PCCA: variants seen among roughly 807,000 people sequenced by gnomAD.
The protein encoded by PCCA is propionyl-CoA carboxylase subunit alpha.
A neutral mutation model predicts 101.3 loss-of-function variants in PCCA; 74 were observed. That is an observed-to-expected ratio of 0.73 (90% CI 0.61 to 0.89). The LOEUF is 0.89. PCCA is among the 40% of genes least tolerant of loss of function. PCCA has a pLI of 0.00. For synonymous variants in PCCA, 294 were observed against 313.6 expected (o/e 0.94, Z 0.66); for missense variants, 891 against 907.0 (o/e 0.98, Z 0.23).
At chr13:100,138,169 T>A (rs1430836972) in intron 4 of PCCA, among the ~76,000 whole-genome samples, 1 of 152,236 alleles carries the variant, frequency 6.6e-6, no homozygotes, top group African/African-American at 2.4e-5. Context: ...CTAGTTTTTT[T>A]CACTGTTTCA....
intron 17 of PCCA, among the ~76,000 whole-genome samples, chr13:100,335,522 C>T (rs1473189291): frequency 6.6e-6 from 1 of 152,158 alleles, no homozygotes; most frequent in Non-Finnish European, 1.5e-5. Context: ...TGGGAAATTC[C>T]TAAAGGTAGC....
chr13:100,219,271 G>A (rs1280158924), intron 7 of PCCA, among the ~76,000 whole-genome samples: 1 of 152,056 alleles, frequency 6.6e-6, no homozygotes, highest in Non-Finnish European at 1.5e-5. Context: ...TTTTTTTGAT[G>A]AGGAATGTTG....
rs367615795 is a variant in PCCA, at chr13:100,273,195, G to A, written c.915-1G>A. 1 of 1,611,708 alleles carries A rather than the reference G, an allele frequency of 6.2e-7. No individual in the cohort carries two copies. The highest frequency in any genetic ancestry group is 1.3e-5 in the African/African-American group (1 of 74,870). On this transcript the variant is annotated splice_acceptor_variant, in intron 11 of 23. Coordinates refer to ENST00000376285, the MANE Select transcript of PCCA (RefSeq NM_000282.4). LOFTEE classifies it high-confidence loss of function. The stretch of plus-strand genomic sequence containing the variant: ...AGACAAACATTTTTTTGTATATGTA[G>A]CATTTTTTTGGATGCGGAGACTCGA...
intron 21 of PCCA, among the ~76,000 whole-genome samples, chr13:100,507,061 ATTG>A (rs1304905211): frequency 6.6e-6 from 1 of 152,178 alleles, no homozygotes; most frequent in Non-Finnish European, 1.5e-5. Context: ...AGGTGTTGGT[ATTG>A]TTATATAATT....
Position 100,274,230 on chromosome 13 carries a change from T to C in PCCA, c.1065+884T>C, listed in dbSNP as rs559752646. 2.0e-5 allele frequency among the ~76,000 whole-genome samples: 3 copies of C among 152,336 alleles called. No individual in the cohort carries two copies. The East Asian group carries it at 5.8e-4, about 29-fold the overall frequency. On this transcript the variant is annotated intron_variant, in intron 12 of 23. Coordinates refer to ENST00000376285, the MANE Select transcript of PCCA (RefSeq NM_000282.4). ...TAAGCAGCATTATTACTTTTGTTTG[T>C]TTTTTAAAACTATATTAATGGGATC...
intron 15 of PCCA, among the ~76,000 whole-genome samples, chr13:100,308,342 T>G (rs967366864): frequency 1.7e-4 from 26 of 152,296 alleles, no homozygotes; most frequent in Non-Finnish European, 3.7e-4. Flanking sequence ...TGCTTTTTTT[T>G]GGGATAGGGT....
intron 7 of PCCA, among the ~76,000 whole-genome samples, chr13:100,216,890 C>T (rs2059552252): frequency 7.0e-6 from 1 of 142,292 alleles, no homozygotes; most frequent in African/African-American, 2.6e-5. Context: ...GGGCGGATCA[C>T]CTGAGGTCAG....
intron 12 of PCCA, among the ~76,000 whole-genome samples, chr13:100,281,006 C>G (rs1382672146): frequency 6.6e-6 from 1 of 151,972 alleles, no homozygotes; most frequent in African/African-American, 2.4e-5. Context: ...ACAACAACAA[C>G]AAGAAAAAAC....
At chr13:100,523,384 GC>G (rs1263059906) in intron 22 of PCCA, among the ~76,000 whole-genome samples, 1 of 152,194 alleles carries the variant, frequency 6.6e-6, no homozygotes, top group African/African-American at 2.4e-5. Flanking sequence ...TGGAAGACTT[GC>G]CAGTAAAACT....
intron 11 of PCCA, among the ~76,000 whole-genome samples, chr13:100,271,333 A>G (rs2063300820): frequency 6.6e-6 from 1 of 152,118 alleles, no homozygotes; most frequent in Non-Finnish European, 1.5e-5. Context: ...GATTTATTGT[A>G]ACTTCACCAA....
At chr13:100,237,918 A>ACTTT (rs771727338) in intron 8 of PCCA, among the ~76,000 whole-genome samples, 45 of 142,674 alleles carry the variant, frequency 3.2e-4, no homozygotes, top group Non-Finnish European at 5.1e-4. Context: ...CTTTTCTTCC[A>ACTTT]CTTTCTTTCT....
intron 4 of PCCA, among the ~76,000 whole-genome samples, chr13:100,115,349 G>A (rs1362974429): frequency 1.3e-5 from 2 of 152,140 alleles, no homozygotes; most frequent in Non-Finnish European, 2.9e-5. Flanking sequence ...ATAAGATCTT[G>A]TATTTGATAG....
At chr13:100,339,446 G>C (rs1300475962) in intron 17 of PCCA, among the ~76,000 whole-genome samples, 2 of 152,194 alleles carry the variant, frequency 1.3e-5, no homozygotes, top group African/African-American at 4.8e-5. Context: ...TTACAGAGCT[G>C]TCAAAGGATG....
intron 12 of PCCA, among the ~76,000 whole-genome samples, chr13:100,293,491 TA>T (rs113222194): frequency 3.2e-4 from 49 of 151,952 alleles, no homozygotes; most frequent in African/African-American, 7.7e-4. Context: ...AGTTTTGGAT[TA>T]AAAAAAAATT....
chr13:100,112,767 G>A (rs1163243687), intron 4 of PCCA, among the ~76,000 whole-genome samples: 1 of 151,904 alleles, frequency 6.6e-6, no homozygotes. Context: ...GTAGAGACAG[G>A]GTTTCACCAA....
chr13:100,171,967 G>T (rs952700805), intron 6 of PCCA, among the ~76,000 whole-genome samples: 4 of 151,132 alleles, frequency 2.6e-5, no homozygotes, highest in Non-Finnish European at 5.9e-5. Flanking sequence ...AGGAGGCAGA[G>T]CTTGCAGTGA....
chr13:100,127,335 C>G (rs934516789), intron 4 of PCCA, among the ~76,000 whole-genome samples: 2 of 151,974 alleles, frequency 1.3e-5, no homozygotes, highest in African/African-American at 2.4e-5. Flanking sequence ...TTGTTAATAA[C>G]TTATACTGAA....
chr13:100,282,623 G>A (rs1813913621), intron 12 of PCCA, among the ~76,000 whole-genome samples: 4 of 152,226 alleles, frequency 2.6e-5, no homozygotes, highest in African/African-American at 9.6e-5. Context: ...AGCCCACCGT[G>A]CTGCACTATG....
intron 8 of PCCA, among the ~76,000 whole-genome samples, chr13:100,255,668 C>T (rs1248217196): frequency 6.6e-6 from 1 of 152,150 alleles, no homozygotes; most frequent in Non-Finnish European, 1.5e-5. Context: ...CGCTTTTTCA[C>T]TCCCGTAAAA....
Sources: gnomAD v4.1 joint callset for allele counts (sites outside exome capture counted in the v4.1 genomes callset) on GRCh38, gnomAD v4.1.1 for gene constraint, MANE v1.5 for transcripts, NCBI Gene and HGNC (gene_info 2026-07-23, HGNC 2026-07-21) for gene names.